The following SNX9 variants were observed in gnomAD, a reference collection of about 807,000 sequenced individuals.
SNX9 encodes the protein sorting nexin 9.
A neutral mutation model predicts 89.4 loss-of-function variants in SNX9; 44 were observed. The ratio of observed to expected loss-of-function variants is 0.49; its 90% confidence interval spans 0.39 to 0.63. SNX9 has a LOEUF of 0.63. Among genes scored for constraint, SNX9 ranks in the 30% least tolerant of loss-of-function variants. The pLI is 0.00. For missense variants in SNX9, 578 were observed against 736.1 expected (o/e 0.79, Z 2.49); for synonymous variants, 236 against 247.8 (o/e 0.95, Z 0.45).
rs1432979257 is a variant in SNX9, at chr6:157,932,287, A to C, written c.1366+15A>C. 6.2e-7 allele frequency: 1 copy of C among 1,613,140 alleles called. No individual in the cohort carries two copies. The highest frequency in any genetic ancestry group is 8.5e-7 in the Non-Finnish European group (1 of 1,179,246). On this transcript the variant is annotated intron_variant, in intron 13 of 17. Transcript: ENST00000392185. ...TGGCTATCAAGGTGCGTCTTTCTTC[A>C]TTCATCCAGTGGGCCTTTAGAGCCT... is the stretch of plus-strand genomic sequence containing the variant.
In SNX9 at chr6:157,856,842, A is replaced by G. The variant is rs1583201976; in HGVS notation, c.13-10705A>G. Among the ~76,000 whole-genome samples, 8 of 152,176 alleles carry G rather than the reference A, an allele frequency of 5.3e-5. 2 individuals carry two copies. The highest frequency in any genetic ancestry group is 5.2e-4 in the Admixed American group (8 of 15,272). Reference sequence around the variant, plus strand: ...TTTTTTTCAAGTATATTTCATAAGCAGGATTGTATTCCATCAGAAGGCAAG... The same window carrying G: ...TTTTTTTCAAGTATATTTCATAAGCGGGATTGTATTCCATCAGAAGGCAAG... On this transcript the variant is annotated intron_variant, in intron 1 of 17. Transcript: ENST00000392185.
chr6:157,913,064 C>G (rs979082166), intron 9 of SNX9, among the ~76,000 whole-genome samples: 6 of 152,192 alleles, frequency 3.9e-5, no homozygotes, highest in African/African-American at 1.4e-4. Flanking sequence ...TACAACTCAC[C>G]TAGCCATAAT....
At position 157,940,881 on chromosome 6, in the gene SNX9, A is replaced by G; in HGVS notation, c.1649-2A>G. Reference sequence around the variant, plus strand: ...TGATTGATGTTCTGATTTGGGTTGTAGCTGAGATGAATCACTTTCACAGTA... The same window carrying G: ...TGATTGATGTTCTGATTTGGGTTGTGGCTGAGATGAATCACTTTCACAGTA... On this transcript the variant is annotated splice_acceptor_variant, in intron 16 of 17. Transcript: ENST00000392185. LOFTEE classifies it high-confidence loss of function. The G allele has an allele frequency of 6.2e-7, 1 of 1,613,894 alleles. No homozygotes were observed. Among genetic ancestry groups the G allele is most frequent in the Non-Finnish European group, 8.5e-7 (1 of 1,179,770 alleles).
At chr6:157,873,028 C>A in intron 2 of SNX9, 74 bp from the exon 3 acceptor site, 1 of 1,234,054 alleles carries the variant, frequency 8.1e-7, no homozygotes, top group Non-Finnish European at 1.1e-6. Flanking sequence ...ATAACAATTC[C>A]TCCACACAAA....
chr6:157,923,476 A>G (rs1783625682), intron 10 of SNX9, among the ~76,000 whole-genome samples: 1 of 152,202 alleles, frequency 6.6e-6, no homozygotes, highest in Admixed American at 6.5e-5. Flanking sequence ...AGTATCAAAT[A>G]TCCAGGAATA....
chr6:157,838,827 A>T (rs12210949), intron 1 of SNX9, among the ~76,000 whole-genome samples: 1 of 152,346 alleles, frequency 6.6e-6, no homozygotes, highest in Non-Finnish European at 1.5e-5. Context: ...CTAAAATTTT[A>T]TCTGGCACTG....
In SNX9 at chr6:157,896,878, A is replaced by C. The variant is rs61736723; in HGVS notation, c.352A>C (p.Asn118His). ...WSAWSASKSGNWESSEGWGAQ... is the reference protein window; with the variant it reads ...WSAWSASKSGHWESSEGWGAQ... ...AGCCTGGAGTGCCTCCAAATCTGGG[A>C]ACTGGGAAAGCTCAGAAGGCTGGGG... Residue 118 changes from asparagine (N) to histidine (H), a missense_variant, in exon 5 of 18, where the codon AAC (asparagine) becomes CAC (histidine). By Grantham distance (68) the Asn-to-His change is moderately conservative (BLOSUM62 1). This residue lies in a region of SNX9 where 230 missense variants were observed against 244.7 expected (regional missense o/e 0.94). Transcript: ENST00000392185. The C allele has an allele frequency of 3.3e-5, 53 of 1,613,364 alleles. No individual in the cohort carries two copies. The African/African-American group carries it at 6.3e-4, about 19-fold the overall frequency.
At chr6:157,907,469 A>T (rs563409733) in intron 7 of SNX9, among the ~76,000 whole-genome samples, 1 of 152,266 alleles carries the variant, frequency 6.6e-6, no homozygotes, top group African/African-American at 2.4e-5. Context: ...ATTTTATAGT[A>T]GAGACGGGGT....
chr6:157,885,821 G>A (rs1030706755), intron 4 of SNX9, among the ~76,000 whole-genome samples: 10 of 152,202 alleles, frequency 6.6e-5, no homozygotes, highest in African/African-American at 2.2e-4. Context: ...GGGATGATCT[G>A]TACTGACCTG....
At chr6:157,879,858 A>C (rs1469681251) in intron 4 of SNX9, among the ~76,000 whole-genome samples, 2 of 152,250 alleles carry the variant, frequency 1.3e-5, no homozygotes, top group East Asian at 3.8e-4. Context: ...AGAAATTAAT[A>C]GAAAGTTTTT....
intron 10 of SNX9, among the ~76,000 whole-genome samples, chr6:157,923,579 C>T (rs566498047): frequency 2.0e-5 from 3 of 152,220 alleles, no homozygotes; most frequent in African/African-American, 7.2e-5. Flanking sequence ...TCTAATACTG[C>T]GTCTCATGGA....
At chr6:157,908,746 T>TAC (rs3840366) in intron 7 of SNX9, among the ~76,000 whole-genome samples, 35,124 of 152,040 alleles carry the variant, frequency 0.23, 4,217 homozygotes, top group African/African-American at 0.28. Context: ...GCTCAAAACT[T>TAC]ACACGAGGTC....
intron 13 of SNX9, among the ~76,000 whole-genome samples, 181 bp from the exon 14 acceptor site, chr6:157,935,783 G>A (rs1158572351): frequency 1.3e-5 from 2 of 152,184 alleles, no homozygotes; most frequent in Non-Finnish European, 2.9e-5. Flanking sequence ...ACAGGCTGGC[G>A]AGAGCTGCCA....
At chr6:157,915,640 A>AAAAATAT (rs1472422303) in intron 9 of SNX9, among the ~76,000 whole-genome samples, 1 of 95,172 alleles carries the variant, frequency 1.1e-5, no homozygotes, top group African/African-American at 4.7e-5. Context: ...AAAAAAAAAA[A>AAAAATAT]ATATATATAT....
chr6:157,868,774 A>T (rs772533985), intron 2 of SNX9, among the ~76,000 whole-genome samples: 3 of 152,260 alleles, frequency 2.0e-5, no homozygotes, highest in Non-Finnish European at 4.4e-5. Context: ...GCTTATATAG[A>T]TGGAGAAGGA....
chr6:157,823,463 G>A lies in SNX9; in HGVS notation c.12+17G>A, dbSNP rs1312261189. ...GCCACCAAGGTGAGGGGCGCGCGGC[G>A]CAGGCCGGGCCGGTCGCTCAGGCCC... On this transcript the variant is annotated intron_variant, in intron 1 of 17. Coordinates refer to ENST00000392185, the MANE Select transcript of SNX9 (RefSeq NM_016224.5). The surrounding 1 kb of genome is among the most constrained non-coding windows in gnomAD (Gnocchi z 4.6). The A allele has an allele frequency of 1.7e-6, 2 of 1,203,012 alleles. No homozygotes were observed. Among genetic ancestry groups the A allele is most frequent in the African/African-American group, 1.6e-5 (1 of 62,102 alleles). 74.5% of individuals were successfully genotyped at this position (1,203,012 alleles called of 1,614,324 possible).
chr6:157,906,016 G>T, intron 6 of SNX9, 112 bp from the exon 7 acceptor site: 1 of 788,760 alleles, frequency 1.3e-6, no homozygotes, highest in Non-Finnish European at 2.0e-6. Flanking sequence ...TCCAGTTCTA[G>T]TGCACCCGAA....
At chr6:157,869,007 C>T (rs1465805294) in intron 2 of SNX9, among the ~76,000 whole-genome samples, 6 of 152,224 alleles carry the variant, frequency 3.9e-5, no homozygotes, top group Non-Finnish European at 8.8e-5. Context: ...GGGAGAGGTA[C>T]CCTGGAGATA....
intron 1 of SNX9, among the ~76,000 whole-genome samples, chr6:157,839,886 G>A (rs1781660964): frequency 6.6e-6 from 1 of 152,200 alleles, no homozygotes; most frequent in Admixed American, 6.5e-5. Context: ...GTATTGGGGC[G>A]TGAATCTCTG....
Sources: gnomAD v4.1 joint callset for allele counts (sites outside exome capture counted in the v4.1 genomes callset) on GRCh38, gnomAD v4.1.1 for gene constraint, gnomAD v4.1.1 regional missense constraint, Gnocchi (gnomAD v3.1) non-coding constraint, MANE v1.5 for transcripts, NCBI Gene and HGNC (gene_info 2026-07-23, HGNC 2026-07-21) for gene names.